The following CSMD1 variants were observed in gnomAD, a reference collection of about 807,000 sequenced individuals.
CSMD1 encodes the protein CUB and sushi domain-containing protein 1.
Under a neutral mutation model 417.5 loss-of-function variants are expected in CSMD1, and 213 were observed. The ratio of observed to expected loss-of-function variants is 0.51; its 90% CI spans 0.46 to 0.57. CSMD1 has a LOEUF of 0.57. CSMD1 is among the 20% of genes least tolerant of loss of function. The pLI is 0.00. For synonymous variants in CSMD1, 2,862 were observed against 1,736.8 expected (o/e 1.65, Z -16.11); for missense variants, 6,923 against 4,529.7 (o/e 1.53, Z -15.17).
At chr8:4,573,747 G>A (rs1200104969) in intron 2 of CSMD1, among the ~76,000 whole-genome samples, 1 of 152,172 alleles carries the variant, frequency 6.6e-6, no homozygotes, top group Non-Finnish European at 1.5e-5. Context: ...CAGGTGCTCT[G>A]TCCCAGGGAG....
chr8:3,728,770 T>C (rs1278951157), intron 6 of CSMD1, among the ~76,000 whole-genome samples: 1 of 152,160 alleles, frequency 6.6e-6, no homozygotes, highest in African/African-American at 2.4e-5. Flanking sequence ...TTAATACATC[T>C]CAAATGTCAA....
At position 4,963,936 on chromosome 8, in the gene CSMD1, A is replaced by G. The variant is rs894812183; in HGVS notation, c.85+30396T>C. Among the ~76,000 whole-genome samples the G allele has an allele frequency of 5.9e-5, 9 of 152,318 alleles. No homozygotes were observed. The South Asian group carries it at 1.2e-3, about 21-fold the overall frequency. ...CACCTCACTTACTAGTATTAAAAAA[A>G]CAAGCTGATTTCATACCAAATACTC... is the stretch of plus-strand genomic sequence containing the variant. On this transcript the variant is annotated intron_variant, in intron 1 of 69. Transcript: ENST00000635120.
chr8:3,971,188 A>G (rs1813061121), intron 5 of CSMD1, among the ~76,000 whole-genome samples: 1 of 152,182 alleles, frequency 6.6e-6, no homozygotes. Flanking sequence ...AAGCAACACC[A>G]AATGTCCTCT....
chr8:3,223,882 A>C lies in CSMD1; in HGVS notation c.4346-15T>G. 6.2e-7 allele frequency: 1 copy of C among 1,613,306 alleles called. No individual in the cohort carries two copies. The highest frequency in any genetic ancestry group is 8.5e-7 in the Non-Finnish European group (1 of 1,179,478). On this transcript the variant is annotated splice_polypyrimidine_tract_variant and intron_variant, in intron 27 of 69. Coordinates refer to ENST00000635120, the MANE Select transcript of CSMD1 (RefSeq NM_033225.6). The stretch of plus-strand genomic sequence containing the variant: ...TCCACAAGCAGCTGTCACAGAACAA[A>C]AGTTACAGAGAAAAAGTAAGGACAG...
At chr8:3,640,525 A>G (rs1797255633) in intron 7 of CSMD1, among the ~76,000 whole-genome samples, 1 of 152,196 alleles carries the variant, frequency 6.6e-6, no homozygotes, top group East Asian at 1.9e-4. Flanking sequence ...TCTCAGAAAA[A>G]TGTGGAAGCA....
chr8:4,814,196 T>TTGTGTGTG (rs35824182), intron 1 of CSMD1, among the ~76,000 whole-genome samples: 4 of 149,704 alleles, frequency 2.7e-5, no homozygotes, highest in African/African-American at 4.9e-5. Context: ...CAGAATGATT[T>TTGTGTGTG]TGTGTGTGTG....
intron 1 of CSMD1, among the ~76,000 whole-genome samples, chr8:4,885,185 C>A (rs1036511611): frequency 1.3e-5 from 2 of 152,012 alleles, no homozygotes; most frequent in Non-Finnish European, 2.9e-5. Flanking sequence ...TATCTGGTAA[C>A]CTGCAAGCCT....
chr8:3,539,777 A>C (rs1320073296), intron 10 of CSMD1, among the ~76,000 whole-genome samples: 12 of 151,364 alleles, frequency 7.9e-5, no homozygotes, highest in South Asian at 2.1e-4. Context: ...AAAAAAAAAA[A>C]ACACAAGAAA....
At chr8:3,398,342 G>C (rs750365989) in intron 16 of CSMD1, among the ~76,000 whole-genome samples, 18 of 152,070 alleles carry the variant, frequency 1.2e-4, no homozygotes, top group Admixed American at 2.0e-4. Context: ...AATATAGATG[G>C]ATTTATAAAC....
At chr8:3,620,753 C>G (rs1213278151) in intron 7 of CSMD1, among the ~76,000 whole-genome samples, 1 of 152,042 alleles carries the variant, frequency 6.6e-6, no homozygotes, top group Non-Finnish European at 1.5e-5. Flanking sequence ...AAAGGAGGGA[C>G]AAAAATGCTG....
In CSMD1 at chr8:3,899,360, G is replaced by A. The variant is rs534302626; in HGVS notation, c.818+98543C>T. On this transcript the variant is annotated intron_variant, in intron 5 of 69. Transcript: ENST00000635120. ...TGTGAGTTTGCTGGACAGATTCTCC[G>A]CCCTGGCACAAAGAGTGACTGAACA... Among the ~76,000 whole-genome samples the A allele has an allele frequency of 5.9e-5, 9 of 152,136 alleles. 1 individual carries two copies. The South Asian group carries it at 6.2e-4, about 11-fold the overall frequency.
intron 1 of CSMD1, among the ~76,000 whole-genome samples, chr8:4,770,453 T>C (rs1280375984): frequency 6.6e-6 from 1 of 151,124 alleles, no homozygotes; most frequent in East Asian, 1.9e-4. Flanking sequence ...TCACAGAATT[T>C]TTTTTTTAAT....
chr8:3,551,765 G>C (rs4273873), intron 10 of CSMD1, among the ~76,000 whole-genome samples: 60,390 of 151,868 alleles, frequency 0.4, 12,349 homozygotes, highest in Non-Finnish European at 0.44. Flanking sequence ...GACAAGCTGC[G>C]ATAATATGAT....
intron 21 of CSMD1, among the ~76,000 whole-genome samples, chr8:3,356,626 G>C (rs1188148897): frequency 6.6e-6 from 1 of 152,224 alleles, no homozygotes; most frequent in Admixed American, 6.5e-5. Flanking sequence ...ATTGAGCCGA[G>C]ATCGTGCCAC....
chr8:4,821,406 C>G (rs762191001), intron 1 of CSMD1, among the ~76,000 whole-genome samples: 11 of 152,144 alleles, frequency 7.2e-5, no homozygotes, highest in Non-Finnish European at 1.5e-4. Flanking sequence ...CTAGATTTTT[C>G]TTCTTCAGTG....
intron 1 of CSMD1, among the ~76,000 whole-genome samples, chr8:4,651,815 C>T (rs1035343085): frequency 6.6e-6 from 1 of 152,172 alleles, no homozygotes; most frequent in Non-Finnish European, 1.5e-5. Context: ...ATTTGATTTA[C>T]TGAACCAAAC....
chr8:3,956,089 C>G (rs7819938), intron 5 of CSMD1, among the ~76,000 whole-genome samples: 4,310 of 152,310 alleles, frequency 0.028, 146 homozygotes, highest in East Asian at 0.073. Context: ...AGCCACCGTG[C>G]TCGGCCAGGT....
intron 10 of CSMD1, among the ~76,000 whole-genome samples, chr8:3,536,267 G>T (rs922247085): frequency 6.6e-6 from 1 of 152,208 alleles, no homozygotes; most frequent in East Asian, 1.9e-4. Flanking sequence ...ATAAGTTTGT[G>T]TGTATGACAG....
chr8:4,139,226 T>A (rs1419278404), intron 3 of CSMD1, among the ~76,000 whole-genome samples: 3 of 152,234 alleles, frequency 2.0e-5, no homozygotes. Context: ...GTCCTAGTGG[T>A]GCTTTAAAGG....
Sources: gnomAD v4.1 joint callset for allele counts (sites outside exome capture counted in the v4.1 genomes callset) on GRCh38, gnomAD v4.1.1 for gene constraint, MANE v1.5 for transcripts, NCBI Gene and HGNC (gene_info 2026-07-23, HGNC 2026-07-21) for gene names.